The following PCDH15 variants were observed in gnomAD, a reference collection of about 807,000 sequenced individuals.
The protein encoded by PCDH15 is protocadherin related 15.
Under a neutral mutation model 178.5 loss-of-function variants are expected in PCDH15, and 129 were observed. The ratio of observed to expected loss-of-function variants is 0.72; its 90% CI spans 0.63 to 0.84. The LOEUF is 0.84. Ranked by LOEUF, PCDH15 falls within the 40% of genes least tolerant of loss-of-function variation. The probability of loss-of-function intolerance (pLI) is 0.00; values close to 1 mark genes in which losing one functional copy is unlikely to be tolerated. For synonymous variants in PCDH15, 800 were observed against 732.0 expected, an observed-to-expected ratio of 1.09 and a Z score of -1.50; for missense variants, 2,230 against 2,099.9, an observed-to-expected ratio of 1.06 and a Z score of -1.21.
rs146934309 is a variant in PCDH15, at chr10:54,427,488, C to T, written c.158-48546G>A. Among the ~76,000 whole-genome samples the T allele has an allele frequency of 9.1e-4, 138 of 151,612 alleles. 1 individual carries two copies. Among genetic ancestry groups the T allele is most frequent in the Non-Finnish European group, 1.6e-3 (106 of 67,848 alleles). ...AGACGGGGTTTCTCCTTGTTGGTCA[C>T]GCTTGTATTGAACTCCTGACCTCAG... On this transcript the variant is annotated intron_variant, in intron 3 of 37. Coordinates refer to ENST00000644397, the MANE Select transcript of PCDH15 (RefSeq NM_001384140.1).
At chr10:54,460,647 A>G (rs1214852178) in intron 3 of PCDH15, among the ~76,000 whole-genome samples, 1 of 152,130 alleles carries the variant, frequency 6.6e-6, no homozygotes, top group African/African-American at 2.4e-5. Flanking sequence ...ATCATCATGC[A>G]TTTAATATAG....
chr10:54,522,629 A>C (rs1051258717), intron 3 of PCDH15, among the ~76,000 whole-genome samples: 8 of 152,132 alleles, frequency 5.3e-5, no homozygotes, highest in Non-Finnish European at 1.0e-4. Context: ...CTCTATCTCC[A>C]TGTGGAAAGT....
rs60097108 is a variant in PCDH15, at chr10:53,965,060, A to AT, written c.2869-3169dup. ...AGAAGTTGGTATTAATAGTACCTAC[A>AT]TTTTTTTTTTTTTTTGAGACAGAGT... On this transcript the variant is annotated intron_variant, in intron 21 of 37. Coordinates refer to ENST00000644397, the MANE Select transcript of PCDH15 (RefSeq NM_001384140.1). Among the ~76,000 whole-genome samples, 1,381 of 144,766 alleles carry AT rather than the reference A, an allele frequency of 9.5e-3. 12 individuals are homozygous for AT. The highest frequency in any genetic ancestry group is 0.026 in the African/African-American group (1,044 of 39,760). The allele number at this position is 144,766 out of a possible 152,430, so 95.0% of individuals were successfully genotyped here.
At chr10:55,391,860 G>C (rs1304029711) in intron 2 of PCDH15, among the ~76,000 whole-genome samples, 1 of 152,156 alleles carries the variant, frequency 6.6e-6, no homozygotes, top group Non-Finnish European at 1.5e-5. Context: ...TGGCCTAAGA[G>C]GCCTAGCTTT....
intron 10 of PCDH15, among the ~76,000 whole-genome samples, chr10:54,200,744 A>AT (rs772007082): frequency 6.7e-4 from 102 of 151,566 alleles, no homozygotes; most frequent in South Asian, 4.2e-4. Context: ...TTTACTACCC[A>AT]TTTTTTCTCA....
intron 1 of PCDH15, among the ~76,000 whole-genome samples, chr10:54,721,883 T>G (rs1941672199): frequency 6.6e-6 from 1 of 151,794 alleles, no homozygotes; most frequent in African/African-American, 2.4e-5. Context: ...AGTGGTATCA[T>G]CTTGATAACA....
chr10:55,214,058 T>C (rs1206249875), intron 1 of PCDH15, among the ~76,000 whole-genome samples: 1 of 151,954 alleles, frequency 6.6e-6, no homozygotes, highest in Non-Finnish European at 1.5e-5. Context: ...ATATATGATA[T>C]TTTATGTTAT....
chr10:55,210,180 T>C (rs961744707), intron 1 of PCDH15, among the ~76,000 whole-genome samples: 3 of 151,980 alleles, frequency 2.0e-5, no homozygotes, highest in South Asian at 2.1e-4. Flanking sequence ...ATGTAATTAC[T>C]AATCCAATTA....
At chr10:55,362,224 T>C (rs1402870181) in intron 2 of PCDH15, among the ~76,000 whole-genome samples, 1 of 152,140 alleles carries the variant, frequency 6.6e-6, no homozygotes, top group Non-Finnish European at 1.5e-5. Context: ...AATATTTTTA[T>C]CTAACTCTCA....
chr10:55,402,607 T>C (rs1838098530), intron 2 of PCDH15, among the ~76,000 whole-genome samples: 1 of 152,022 alleles, frequency 6.6e-6, no homozygotes, highest in South Asian at 2.1e-4. Context: ...TTTAACTAAA[T>C]ATAATTATCT....
chr10:55,414,228 A>C (rs1838419046), intron 2 of PCDH15, among the ~76,000 whole-genome samples: 1 of 151,598 alleles, frequency 6.6e-6, no homozygotes, highest in Non-Finnish European at 1.5e-5. Flanking sequence ...AAATAGGTTA[A>C]ATTTAAAAAG....
intron 2 of PCDH15, among the ~76,000 whole-genome samples, chr10:54,570,625 C>T (rs2089676108): frequency 6.6e-6 from 1 of 151,658 alleles, no homozygotes; most frequent in African/African-American, 2.4e-5. Context: ...AATTCTGCAC[C>T]CGAAGAAAGT....
chr10:54,448,843 A>T (rs2076296360), intron 3 of PCDH15, among the ~76,000 whole-genome samples: 1 of 151,738 alleles, frequency 6.6e-6, no homozygotes, highest in Non-Finnish European at 1.5e-5. Context: ...TTTTTCTTCA[A>T]CTTCTAGATG....
At chr10:54,508,293 G>A (rs1238110168) in intron 3 of PCDH15, among the ~76,000 whole-genome samples, 1 of 151,810 alleles carries the variant, frequency 6.6e-6, no homozygotes, top group Non-Finnish European at 1.5e-5. Context: ...TCACTTAGAG[G>A]CATTGCAGCA....
chr10:55,037,256 C>T (rs1464793707), intron 2 of PCDH15, among the ~76,000 whole-genome samples: 3 of 151,622 alleles, frequency 2.0e-5, no homozygotes, highest in East Asian at 1.9e-4. Flanking sequence ...TATTTTGAGA[C>T]GGAGTCTCGC....
At chr10:54,227,001 C>T (rs138587383) in intron 9 of PCDH15, among the ~76,000 whole-genome samples, 14 of 152,304 alleles carry the variant, frequency 9.2e-5, no homozygotes, top group South Asian at 4.1e-4. Context: ...GTAGCCCCCT[C>T]CTGGCTGCTT....
intron 13 of PCDH15, among the ~76,000 whole-genome samples, chr10:54,167,653 G>A (rs1029601020): frequency 6.6e-6 from 1 of 151,654 alleles, no homozygotes; most frequent in Non-Finnish European, 1.5e-5. Flanking sequence ...TGGGAGAGGG[G>A]CAAGTACCCC....
At chr10:54,126,335 C>T (rs2041989319) in intron 15 of PCDH15, among the ~76,000 whole-genome samples, 2 of 151,986 alleles carry the variant, frequency 1.3e-5, no homozygotes, top group African/African-American at 2.4e-5. Context: ...CTCTCAAACA[C>T]TTTTTTCTAC....
intron 2 of PCDH15, among the ~76,000 whole-genome samples, chr10:55,341,050 T>G (rs1023968484): frequency 2.0e-5 from 3 of 151,908 alleles, no homozygotes; most frequent in African/African-American, 7.2e-5. Context: ...ACCTTCAATT[T>G]TTTAAATCAC....
Sources: gnomAD v4.1 joint callset for allele counts (sites outside exome capture counted in the v4.1 genomes callset) on GRCh38, gnomAD v4.1.1 for gene constraint, MANE v1.5 for transcripts, NCBI Gene and HGNC (gene_info 2026-07-23, HGNC 2026-07-21) for gene names.